TTL: variants seen among roughly 807,000 people sequenced by gnomAD.
The protein encoded by TTL is tubulin--tyrosine ligase.
In TTL, 10 loss-of-function variants were observed where a neutral mutation model predicts 41.1. The ratio of observed to expected loss-of-function variants is 0.24; its 90% CI spans 0.15 to 0.41. The LOEUF (loss-of-function observed/expected upper bound fraction) is 0.41. Ranked by LOEUF, TTL falls within the 10% of genes least tolerant of loss-of-function variation. The pLI is 1.00. For missense variants in TTL, 367 were observed against 460.4 expected (o/e 0.80, Z 1.86); for synonymous variants, 175 against 175.5 (o/e 1.00, Z 0.02).
In TTL at chr2:112,534,766, G is replaced by A. The variant is rs1305879324; in HGVS notation, c.*5971G>A. ...AAAAACTGGGAATGAGATTTCTATA[G>A]GACGTTTTGAAAAGCTTCAACCTAT... On this transcript the variant is annotated 3_prime_UTR_variant, in exon 7 of 7. Transcript: ENST00000233336. The A allele has an allele frequency of 6.6e-6, 1 of 152,204 alleles. No individual in the cohort carries two copies. The highest frequency in any genetic ancestry group is 1.5e-5 in the Non-Finnish European group (1 of 68,062). The allele number at this position is 152,204 out of a possible 1,614,324, so 9.4% of individuals were successfully genotyped here.
rs1373358867 is a variant in TTL, at chr2:112,540,989, CTG to C, written c.*12195_*12196del. 6.6e-6 allele frequency: 1 copy of C among 152,136 alleles called. No homozygotes were observed. The highest frequency in any genetic ancestry group is 2.4e-5 in the African/African-American group (1 of 41,410). The allele number at this position is 152,136 out of a possible 1,614,324, so 9.4% of individuals were successfully genotyped here. A position where few individuals can be genotyped will look rare whatever the true frequency, so the allele number is the denominator to read the frequency against. On this transcript the variant is annotated 3_prime_UTR_variant, in exon 7 of 7. Transcript: ENST00000233336. ...TAATTTGTTGTACCTTCAAAAATAA[CTG>C]AGGAAGTACAATTGGAATGTTCATG...
At position 112,494,319 on chromosome 2, in the gene TTL, A is replaced by G; in HGVS notation, c.413A>G (p.Lys138Arg). The change falls in exon 3 of 7, where the codon AAG (lysine) becomes AGG (arginine). Residue 138 changes from lysine (K) to arginine (R), a missense_variant. By Grantham distance (26) the Lys-to-Arg change is conservative (BLOSUM62 2). Transcript: ENST00000233336. ...REFFLASYNR[K>R]KEDGEGNVWI... Reference sequence around the variant, plus strand: ...TTCTTTCTCGCCTCTTATAACAGAAAGAAAGAGGATGGAGAGGGCAACGTT... The same window carrying G: ...TTCTTTCTCGCCTCTTATAACAGAAGGAAAGAGGATGGAGAGGGCAACGTT... The G allele has an allele frequency of 1.2e-6, 2 of 1,614,216 alleles. No homozygotes were observed. The highest frequency in any genetic ancestry group is 1.7e-6 in the Non-Finnish European group (2 of 1,180,040).
chr2:112,509,702 G>C lies in TTL; in HGVS notation c.875+6521G>C, dbSNP rs189791840. 4.0e-3 allele frequency among the ~76,000 whole-genome samples: 604 copies of C among 152,350 alleles called. 9 individuals are homozygous for C. The highest frequency in any genetic ancestry group is 0.036 in the Admixed American group (550 of 15,306). On this transcript the variant is annotated intron_variant, in intron 5 of 6. Transcript: ENST00000233336. ...GCACGGTGCGCACACACACTGGCCT[G>C]CGCCCACTGTCTGGCACTCCCTAGT...
At chr2:112,523,781 T>C (rs1304676759) in intron 6 of TTL, among the ~76,000 whole-genome samples, 1 of 149,996 alleles carries the variant, frequency 6.7e-6, no homozygotes, top group Non-Finnish European at 1.5e-5. Context: ...TTTTTTTTTT[T>C]CTTTATTTTT....
chr2:112,487,585 T>G (rs1007059209), intron 2 of TTL, among the ~76,000 whole-genome samples: 10 of 152,216 alleles, frequency 6.6e-5, no homozygotes, highest in Middle Eastern at 3.2e-3. Flanking sequence ...GCTGGAGTCG[T>G]GACCAACTGT....
At chr2:112,513,614 TATAA>T (rs1403876433) in intron 5 of TTL, among the ~76,000 whole-genome samples, 6 of 149,246 alleles carry the variant, frequency 4.0e-5, no homozygotes, top group Non-Finnish European at 7.4e-5. Flanking sequence ...CAAGTATAAG[TATAA>T]ATATTTATAC....
In TTL at chr2:112,482,398, C is replaced by A. The variant is rs200639551; in HGVS notation, c.54C>A (p.Ser18=). The change falls in exon 1 of 7, where the codon TCC becomes TCA. Residue 18 remains serine, a synonymous_variant. Transcript: ENST00000233336. This position sits in a 1 kb window ranked among gnomAD's most constrained non-coding sequence, Gnocchi z 5.3. ...DENSSVYAEV[S]RLLLATGHWK... ...ACAGCAGCGTCTACGCCGAGGTCTCCCGGCTGCTCCTCGCCACCGGCCACT... is the reference window on the plus strand; with the variant it reads ...ACAGCAGCGTCTACGCCGAGGTCTCACGGCTGCTCCTCGCCACCGGCCACT... 17 of 1,601,108 alleles carry A rather than the reference C, an allele frequency of 1.1e-5. No individual in the cohort carries two copies. Among genetic ancestry groups the A allele is most frequent in the Middle Eastern group, 1.7e-4 (1 of 6,044 alleles).
intron 3 of TTL, among the ~76,000 whole-genome samples, chr2:112,497,276 C>T (rs947631420): frequency 3.3e-5 from 5 of 152,002 alleles, no homozygotes; most frequent in Admixed American, 2.0e-4. Context: ...TCAAGCCTCC[C>T]GAAGTGCTGG....
chr2:112,539,742 T>C lies in TTL; in HGVS notation c.*10947T>C, dbSNP rs1056509466. 2 of 152,212 alleles carry C rather than the reference T, an allele frequency of 1.3e-5. No homozygotes were observed. Among genetic ancestry groups the C allele is most frequent in the African/African-American group, 4.8e-5 (2 of 41,448 alleles). 9.4% of individuals were successfully genotyped at this position (152,212 alleles called of 1,614,324 possible). On this transcript the variant is annotated 3_prime_UTR_variant, in exon 7 of 7. Coordinates refer to ENST00000233336, the MANE Select transcript of TTL (RefSeq NM_153712.5). ...TTGGAAAGGGAGAAGTATGATGATC[T>C]CTCTTTGCAGACGACAAGATACCAT...
chr2:112,516,735 T>C lies in TTL; in HGVS notation c.876-3547T>C, dbSNP rs537912369. ...AGCGTCTGTTCTAGGATCTCCATTC[T>C]GTCCCATTGTTCTACCATCCACCAT... On this transcript the variant is annotated intron_variant, in intron 5 of 6. Transcript: ENST00000233336. Among the ~76,000 whole-genome samples, 6 of 152,314 alleles carry C rather than the reference T, an allele frequency of 3.9e-5. No individual in the cohort carries two copies. In the South Asian group the frequency reaches 1.0e-3, roughly 26 times the overall value.
At chr2:112,526,432 T>C (rs939832423) in intron 6 of TTL, among the ~76,000 whole-genome samples, 1 of 152,234 alleles carries the variant, frequency 6.6e-6, no homozygotes, top group African/African-American at 2.4e-5. Context: ...TTTTTTTGGT[T>C]GGTAGGCTAT....
chr2:112,523,337 G>GGTGTGTGTGTGT (rs1298723408), intron 6 of TTL, among the ~76,000 whole-genome samples: 1 of 93,350 alleles, frequency 1.1e-5, no homozygotes, highest in African/African-American at 4.3e-5. Context: ...ACTGTCTGTG[G>GGTGTGTGTGTGT]GTGTGTGTGT....
intron 6 of TTL, among the ~76,000 whole-genome samples, chr2:112,524,189 TA>T (rs1399138382): frequency 6.6e-6 from 1 of 152,238 alleles, no homozygotes; most frequent in Non-Finnish European, 1.5e-5. Context: ...TAATCCAGTC[TA>T]TCATTGATGG....
At chr2:112,497,926 T>C (rs1681579958) in intron 3 of TTL, among the ~76,000 whole-genome samples, 1 of 152,178 alleles carries the variant, frequency 6.6e-6, no homozygotes, top group South Asian at 2.1e-4. Flanking sequence ...GACAACTCAC[T>C]AAAGAGTGAG....
intron 6 of TTL, 177 bp downstream of exon 6, chr2:112,520,602 T>G: frequency 1.3e-6 from 1 of 798,504 alleles, no homozygotes; most frequent in Non-Finnish European, 1.9e-6. Flanking sequence ...CCTTTCCTAT[T>G]TCCCCGTGTA....
rs375130874 is a variant in TTL, at chr2:112,528,634, G to A, written c.1020-47G>A. Reference sequence around the variant, plus strand: ...CAAAAAACATCTATTTTTTTTGCTTGTACTTTGATGAACATCCTCAATGAT... The same window carrying A: ...CAAAAAACATCTATTTTTTTTGCTTATACTTTGATGAACATCCTCAATGAT... On this transcript the variant is annotated intron_variant, in intron 6 of 6. Transcript: ENST00000233336. The A allele has an allele frequency of 2.8e-5, 42 of 1,501,396 alleles. No homozygotes were observed. The African/African-American group carries it at 5.6e-4, about 20-fold the overall frequency. The allele number at this position is 1,501,396 out of a possible 1,614,324, so 93.0% of individuals were successfully genotyped here.
intron 5 of TTL, among the ~76,000 whole-genome samples, chr2:112,511,200 G>T (rs1357769497): frequency 6.6e-6 from 1 of 151,728 alleles, no homozygotes; most frequent in African/African-American, 2.4e-5. Context: ...GTAGAGACAG[G>T]GTTTTGCCCT....
rs1558648120 is a variant in TTL at position 112,537,973 on chromosome 2, A to G, written c.*9178A>G. 1 of 152,248 alleles carries G rather than the reference A, an allele frequency of 6.6e-6. No individual in the cohort carries two copies. The highest frequency in any genetic ancestry group is 1.9e-4 in the East Asian group (1 of 5,206). 9.4% of individuals were successfully genotyped at this position (152,248 alleles called of 1,614,324 possible). On this transcript the variant is annotated 3_prime_UTR_variant, in exon 7 of 7. Transcript: ENST00000233336. ...GGGGTAGATCACATGCTAGGCCATA[A>G]AACAAGTCTCAGTAAATTTAAAAGA...
At chr2:112,490,068 T>C (rs1559010463) in intron 2 of TTL, among the ~76,000 whole-genome samples, 1 of 152,318 alleles carries the variant, frequency 6.6e-6, no homozygotes, top group East Asian at 1.9e-4. Context: ...TCATTGAGTA[T>C]ATACAGAACC....
Sources: gnomAD v4.1 joint callset for allele counts (sites outside exome capture counted in the v4.1 genomes callset) on GRCh38, gnomAD v4.1.1 for gene constraint, Gnocchi (gnomAD v3.1) non-coding constraint, MANE v1.5 for transcripts, NCBI Gene and HGNC (gene_info 2026-07-23, HGNC 2026-07-21) for gene names.